Variants in DOCK4 observed in about 807,000 individuals in gnomAD.
DOCK4 encodes the protein dedicator of cytokinesis protein 4.
DOCK4 carries 97 observed loss-of-function variants against 268.1 expected under a neutral mutation model. The ratio of observed to expected loss-of-function variants is 0.36; its 90% CI spans 0.31 to 0.43. The LOEUF (loss-of-function observed/expected upper bound fraction) is 0.43. DOCK4 is among the 20% of genes least tolerant of loss of function. The pLI, the probability that DOCK4 is intolerant of heterozygous loss-of-function variation, is 1.00. For missense variants in DOCK4, 2,145 were observed against 2,455.7 expected, an observed-to-expected ratio of 0.87 and a Z score of 2.67; for synonymous variants, 954 against 887.2, an observed-to-expected ratio of 1.08 and a Z score of -1.34.
chr7:112,033,544 C>T (rs1332886751), intron 1 of DOCK4, among the ~76,000 whole-genome samples: 1 of 152,234 alleles, frequency 6.6e-6, no homozygotes, highest in Non-Finnish European at 1.5e-5. Context: ...TCATTCAAAA[C>T]TCAAACCTTA....
At chr7:112,034,220 CCTT>C (rs1339276071) in intron 1 of DOCK4, among the ~76,000 whole-genome samples, 1 of 152,110 alleles carries the variant, frequency 6.6e-6, no homozygotes, top group African/African-American at 2.4e-5. Flanking sequence ...TCCTGAATCT[CCTT>C]CTTCAAATGG....
intron 1 of DOCK4, among the ~76,000 whole-genome samples, chr7:112,163,571 CTTA>C (rs946005585): frequency 6.6e-5 from 10 of 152,162 alleles, no homozygotes; most frequent in East Asian, 1.9e-4. Flanking sequence ...CATTTATTGA[CTTA>C]TTATTTATTT....
In DOCK4 at chr7:112,089,195, T is replaced by C. The variant is rs73715422; in HGVS notation, c.38-85064A>G. ...AATTATATGTGTGACTTGCATTTCA[T>C]TTTTATTGGCCAGGGATGCTCCAGA... On this transcript the variant is annotated intron_variant, in intron 1 of 52. Coordinates refer to ENST00000428084, the MANE Select transcript of DOCK4 (RefSeq NM_001363540.2). Among the ~76,000 whole-genome samples, 579 of 152,296 alleles carry C rather than the reference T, an allele frequency of 3.8e-3. 3 individuals are homozygous for C. The highest frequency in any genetic ancestry group is 0.013 in the African/African-American group (545 of 41,582).
intron 16 of DOCK4, among the ~76,000 whole-genome samples, chr7:111,883,217 C>A (rs1807561068): frequency 6.6e-6 from 1 of 152,160 alleles, no homozygotes; most frequent in Non-Finnish European, 1.5e-5. Context: ...TTCTGGAACC[C>A]TAGATCACTG....
chr7:112,191,443 C>T (rs186794376), intron 1 of DOCK4, among the ~76,000 whole-genome samples: 1 of 152,064 alleles, frequency 6.6e-6, no homozygotes. Context: ...CACCACTGTG[C>T]CCCACACCCC....
At chr7:112,072,257 G>A (rs114360379) in intron 1 of DOCK4, among the ~76,000 whole-genome samples, 4,008 of 152,146 alleles carry the variant, frequency 0.026, 200 homozygotes, top group African/African-American at 0.092. Flanking sequence ...TATAACCAGA[G>A]TATCAGCTTG....
intron 1 of DOCK4, among the ~76,000 whole-genome samples, chr7:112,039,840 C>G (rs1804197649): frequency 6.6e-6 from 1 of 152,072 alleles, no homozygotes; most frequent in African/African-American, 2.4e-5. Flanking sequence ...ATCCCTTTAC[C>G]TGGAGAACAC....
At chr7:111,975,420 C>T (rs1360828605) in intron 8 of DOCK4, among the ~76,000 whole-genome samples, 1 of 152,158 alleles carries the variant, frequency 6.6e-6, no homozygotes, top group Non-Finnish European at 1.5e-5. Flanking sequence ...ATCTAAACTA[C>T]CCGTAAACCA....
chr7:111,808,918 C>T (rs1261534332), intron 29 of DOCK4, 39 bp from the exon 30 acceptor site: 3 of 1,595,344 alleles, frequency 1.9e-6, no homozygotes, highest in Non-Finnish European at 2.6e-6. Context: ...TACAATGCCT[C>T]CAGAACAAGG....
At chr7:112,135,695 GA>G (rs932338580) in intron 1 of DOCK4, among the ~76,000 whole-genome samples, 11 of 125,920 alleles carry the variant, frequency 8.7e-5, no homozygotes, top group South Asian at 2.5e-4. Context: ...AAACTTTGAA[GA>G]AAAAAAAAAG....
At chr7:112,161,599 T>C (rs1817133732) in intron 1 of DOCK4, among the ~76,000 whole-genome samples, 1 of 152,128 alleles carries the variant, frequency 6.6e-6, no homozygotes, top group Non-Finnish European at 1.5e-5. Flanking sequence ...GCAAATTTTT[T>C]AGGGTAGGAA....
chr7:111,910,438 C>A (rs73428832), intron 13 of DOCK4, among the ~76,000 whole-genome samples: 4,291 of 152,292 alleles, frequency 0.028, 194 homozygotes, highest in African/African-American at 0.099. Flanking sequence ...TGAAAAGAGA[C>A]ATGCTGTACA....
intron 8 of DOCK4, among the ~76,000 whole-genome samples, chr7:111,970,405 T>A (rs976007998): frequency 6.6e-6 from 1 of 152,206 alleles, no homozygotes; most frequent in African/African-American, 2.4e-5. Flanking sequence ...TATAGAGTGT[T>A]ACAAGGGCTG....
chr7:111,988,249 T>C (rs1423997288), intron 6 of DOCK4, among the ~76,000 whole-genome samples: 1 of 152,194 alleles, frequency 6.6e-6, no homozygotes, highest in East Asian at 1.9e-4. Flanking sequence ...CCATGTGGGT[T>C]ATTAAGGAAC....
chr7:111,788,947 C>A (rs1328225287), intron 31 of DOCK4, 200 bp from the exon 32 acceptor site: 2 of 595,644 alleles, frequency 3.4e-6, no homozygotes, highest in Non-Finnish European at 6.0e-6. Context: ...CTTCACACTC[C>A]TGGCTGGGTA....
chr7:111,791,378 T>G (rs1799534431), intron 30 of DOCK4, among the ~76,000 whole-genome samples: 1 of 151,208 alleles, frequency 6.6e-6, no homozygotes, highest in Non-Finnish European at 1.5e-5. Context: ...AGATTACGGG[T>G]GATTTTTTTA....
chr7:111,739,540 T>C, intron 47 of DOCK4, 63 bp from the exon 48 acceptor site: 1 of 1,370,942 alleles, frequency 7.3e-7, no homozygotes, highest in Non-Finnish European at 1.0e-6. Context: ...CACTGACGTA[T>C]TTGAAACAAA....
intron 21 of DOCK4, among the ~76,000 whole-genome samples, chr7:111,869,215 C>T (rs922322730): frequency 2.0e-5 from 3 of 152,102 alleles, no homozygotes; most frequent in African/African-American, 2.4e-5. Context: ...AATGGTTCTC[C>T]GATGGTCTCT....
intron 1 of DOCK4, among the ~76,000 whole-genome samples, chr7:112,056,831 T>C (rs1805859681): frequency 6.6e-6 from 1 of 152,188 alleles, no homozygotes; most frequent in Admixed American, 6.5e-5. Context: ...TCTAATCGGA[T>C]CTTAAAAAGA....
Sources: allele counts gnomAD v4.1 joint callset (sites outside exome capture counted in the v4.1 genomes callset), GRCh38; gene constraint gnomAD v4.1.1; transcripts MANE v1.5; gene names NCBI Gene and HGNC (gene_info 2026-07-23, HGNC 2026-07-21).